Variants in NREP observed in about 807,000 individuals in gnomAD.
NREP encodes neuronal regeneration related protein, also known as neuronal regeneration-related protein.
NREP carries 5 observed loss-of-function variants against 8.6 expected under a neutral mutation model. That is an observed-to-expected ratio of 0.58 (90% CI 0.30 to 1.22). The LOEUF is 1.22. NREP is among the 50% of genes most tolerant of loss of function. The pLI, the probability that NREP is intolerant of heterozygous loss-of-function variation, is 0.07. For synonymous variants in NREP, 27 were observed against 28.0 expected, an observed-to-expected ratio of 0.96 and a Z score of 0.11; for missense variants, 86 against 82.5, an observed-to-expected ratio of 1.04 and a Z score of -0.17.
chr5:111,785,247 C>T (rs1168562047), intron 2 of NREP, among the ~76,000 whole-genome samples: 1 of 152,090 alleles, frequency 6.6e-6, no homozygotes, highest in African/African-American at 2.4e-5. Flanking sequence ...TAGAGATATT[C>T]TACTCAGACA....
At chr5:111,749,707 T>C (rs1239591547) in intron 2 of NREP, among the ~76,000 whole-genome samples, 1 of 152,152 alleles carries the variant, frequency 6.6e-6, no homozygotes, top group African/African-American at 2.4e-5. Flanking sequence ...GAGGGAAGCA[T>C]GATCTTTCTA....
In NREP at chr5:111,928,667, C is replaced by T. The variant is rs560728150; in HGVS notation, c.135+46607G>A. ...TGAGCTGTGAAGTGTCAAGTTTTCC[C>T]CTGAGTAGCTTAGTGGTTAAGTCCT... On this transcript the variant is annotated intron_variant, in intron 2 of 3. Coordinates refer to the NREP transcript ENST00000395634. Among the ~76,000 whole-genome samples the T allele has an allele frequency of 4.6e-5, 7 of 152,166 alleles. No individual in the cohort carries two copies. In the South Asian group the frequency reaches 1.2e-3, roughly 27 times the overall value.
At chr5:111,785,518 T>A (rs1561665636) in intron 2 of NREP, among the ~76,000 whole-genome samples, 1 of 152,176 alleles carries the variant, frequency 6.6e-6, no homozygotes, top group African/African-American at 2.4e-5. Flanking sequence ...GGCCTCATGA[T>A]CTGCCTGCCT....
At chr5:111,966,362 T>C (rs545456964) in intron 2 of NREP, among the ~76,000 whole-genome samples, 2 of 152,350 alleles carry the variant, frequency 1.3e-5, no homozygotes, top group Non-Finnish European at 2.9e-5. Flanking sequence ...CACTTCATTA[T>C]AATCAATCTG....
At chr5:111,732,604 C>T (rs1338316715) in intron 3 of NREP, 1 of 146,290 alleles carries the variant, frequency 6.8e-6, no homozygotes, top group Non-Finnish European at 1.5e-5. Flanking sequence ...TGGGTAGTTA[C>T]TTGCAGTTGT....
intron 2 of NREP, among the ~76,000 whole-genome samples, chr5:111,775,779 T>A (rs1271393055): frequency 6.6e-6 from 1 of 152,018 alleles, no homozygotes; most frequent in Admixed American, 6.6e-5. Context: ...AAACAACAAT[T>A]TGGGGGAAAA....
chr5:111,742,683 G>C (rs1749757739), intron 2 of NREP, among the ~76,000 whole-genome samples: 1 of 152,050 alleles, frequency 6.6e-6, no homozygotes, highest in Non-Finnish European at 1.5e-5. Flanking sequence ...TCTGGGCTTT[G>C]ATGGTACATG....
At chr5:111,836,017 A>G (rs540560953) in intron 2 of NREP, among the ~76,000 whole-genome samples, 1 of 152,216 alleles carries the variant, frequency 6.6e-6, no homozygotes, top group East Asian at 1.9e-4. Context: ...AAAAAGAAAT[A>G]AGGTTCCTGC....
intron 2 of NREP, among the ~76,000 whole-genome samples, chr5:111,771,244 G>T (rs912820234): frequency 6.6e-6 from 1 of 152,128 alleles, no homozygotes; most frequent in African/African-American, 2.4e-5. Flanking sequence ...AGTATGTAAA[G>T]CACATTCACC....
At chr5:111,926,654 C>T (rs991337889) in intron 2 of NREP, among the ~76,000 whole-genome samples, 2 of 152,060 alleles carry the variant, frequency 1.3e-5, no homozygotes, top group African/African-American at 4.8e-5. Context: ...TCCAGTGCTT[C>T]AGAATGCACT....
Position 111,729,596 on chromosome 5 carries a change from G to GTGT in NREP, c.*1322_*1324dup, listed in dbSNP as rs1554093071. ...AAGAAGTGCAGTGCATGCGTCATCG[G>GTGT]TGTTTAACAGTCAGAAGCGAAACAG... On this transcript the variant is annotated 3_prime_UTR_variant, in exon 4 of 4. Transcript: ENST00000257435. The GTGT allele has an allele frequency of 1.3e-5, 2 of 152,768 alleles. No homozygotes were observed. Among genetic ancestry groups the GTGT allele is most frequent in the South Asian group, 4.1e-4 (2 of 4,824 alleles). The allele number at this position is 152,768 out of a possible 1,614,324, so 9.5% of individuals were successfully genotyped here.
intron 2 of NREP, among the ~76,000 whole-genome samples, chr5:111,873,319 G>C (rs1172972781): frequency 1.8e-4 from 27 of 152,086 alleles, no homozygotes; most frequent in Non-Finnish European, 2.6e-4. Flanking sequence ...TAAACTTATG[G>C]ACTGAAAACC....
chr5:111,976,628 C>A, intron 1 of NREP: 1 of 1,171,632 alleles, frequency 8.5e-7, no homozygotes, highest in East Asian at 2.6e-5. Context: ...GTCAGTGAGG[C>A]AGAGACAAAC....
At chr5:111,758,231 G>T, upstream of NREP, 5 of 985,532 alleles carry the variant, frequency 5.1e-6, no homozygotes, top group Non-Finnish European at 6.0e-6. Flanking sequence ...ACACACACAC[G>T]TGCACACAGT....
intron 2 of NREP, among the ~76,000 whole-genome samples, chr5:111,967,830 T>A (rs1399574711): frequency 6.6e-6 from 1 of 152,218 alleles, no homozygotes; most frequent in Non-Finnish European, 1.5e-5. Flanking sequence ...TCTCTTTCCC[T>A]TCACCTGGTT....
intron 2 of NREP, among the ~76,000 whole-genome samples, chr5:111,897,389 C>G (rs1465863143): frequency 1.3e-5 from 2 of 152,130 alleles, no homozygotes; most frequent in Non-Finnish European, 2.9e-5. Flanking sequence ...ATATGTGATG[C>G]CAAATGTTAA....
intron 2 of NREP, among the ~76,000 whole-genome samples, chr5:111,854,583 C>T (rs1753384441): frequency 6.6e-6 from 1 of 152,170 alleles, no homozygotes; most frequent in South Asian, 2.1e-4. Context: ...CCCCACCATC[C>T]TGTGATTCCA....
chr5:111,890,331 C>A (rs975355607), intron 2 of NREP, among the ~76,000 whole-genome samples: 9 of 152,228 alleles, frequency 5.9e-5, no homozygotes, highest in Non-Finnish European at 1.3e-4. Context: ...TACTGTTCAG[C>A]CCTTGCAGCT....
At chr5:111,898,046 T>C (rs573907347) in intron 2 of NREP, among the ~76,000 whole-genome samples, 6 of 152,258 alleles carry the variant, frequency 3.9e-5, no homozygotes, top group African/African-American at 1.2e-4. Context: ...AGGACATGAA[T>C]TGAGAGAGGT....
Sources: allele counts gnomAD v4.1 joint callset (sites outside exome capture counted in the v4.1 genomes callset), GRCh38; gene constraint gnomAD v4.1.1; transcripts MANE v1.5; gene names NCBI Gene and HGNC (gene_info 2026-07-23, HGNC 2026-07-21).